Variants in EPHB1 observed in about 807,000 individuals in gnomAD.
EPHB1 encodes the protein ephrin type-B receptor 1.
In EPHB1, 30 loss-of-function variants were observed where a neutral mutation model predicts 94.4. The ratio of observed to expected loss-of-function variants is 0.32; its 90% confidence interval spans 0.24 to 0.43. The LOEUF (loss-of-function observed/expected upper bound fraction) is 0.43. EPHB1 is among the 20% of genes least tolerant of loss of function. The probability of loss-of-function intolerance (pLI) is 1.00; values close to 1 mark genes in which losing one functional copy is unlikely to be tolerated. For synonymous variants in EPHB1, 522 were observed against 489.1 expected (o/e 1.07, Z -0.89); for missense variants, 1,055 against 1,308.3 (o/e 0.81, Z 2.99).
chr3:135,228,431 G>T (rs1943452128), intron 12 of EPHB1, among the ~76,000 whole-genome samples: 1 of 151,850 alleles, frequency 6.6e-6, no homozygotes, highest in Admixed American at 6.6e-5. Flanking sequence ...TTTAAATTTT[G>T]GTAGCTGTTT....
rs375479932 is a variant in EPHB1, at chr3:135,191,181, C to A, written c.1883-1395C>A. The stretch of plus-strand genomic sequence containing the variant: ...GATGGAAGGAAGGAAAAAGAACAGC[C>A]CCCCCAAAACACATAGTGTTGTAAA... On this transcript the variant is annotated intron_variant, in intron 10 of 15. Transcript: ENST00000398015. 2.0e-5 allele frequency among the ~76,000 whole-genome samples: 3 copies of A among 151,892 alleles called. No individual in the cohort carries two copies. In the East Asian group the frequency reaches 5.8e-4, roughly 29 times the overall value.
chr3:134,999,930 G>T (rs940670965), intron 3 of EPHB1, among the ~76,000 whole-genome samples: 1 of 152,204 alleles, frequency 6.6e-6, no homozygotes, highest in African/African-American at 2.4e-5. Flanking sequence ...GCAGGGTATT[G>T]CTCCATACTT....
At chr3:135,255,582 T>G (rs1285686696) in intron 15 of EPHB1, among the ~76,000 whole-genome samples, 2 of 148,196 alleles carry the variant, frequency 1.3e-5, no homozygotes, top group Non-Finnish European at 3.0e-5. Flanking sequence ...GTCTGAGAGA[T>G]AGTTTGTTAT....
intron 8 of EPHB1, among the ~76,000 whole-genome samples, chr3:135,166,614 C>G (rs910076341): frequency 2.0e-5 from 3 of 152,238 alleles, no homozygotes; most frequent in Admixed American, 6.5e-5. Context: ...GGCTCCCTCC[C>G]AAGCAGTTCT....
chr3:135,054,061 AC>A lies in EPHB1; in HGVS notation c.806-52386del, dbSNP rs1559811653. 1.5e-3 allele frequency among the ~76,000 whole-genome samples: 226 copies of A among 151,904 alleles called. 1 individual carries two copies. The highest frequency in any genetic ancestry group is 5.2e-3 in the African/African-American group (217 of 41,356). On this transcript the variant is annotated intron_variant, in intron 3 of 15. Transcript: ENST00000398015. ...TATATACACACACACACACACACAC[AC>A]ACACACACATAGCATTATTTATATG...
rs1043538879 is a variant in EPHB1 at position 134,921,260 on chromosome 3, C to T, written c.59-4556C>T. 6.6e-5 allele frequency among the ~76,000 whole-genome samples: 10 copies of T among 152,252 alleles called. No individual in the cohort carries two copies. The East Asian group carries it at 1.4e-3, about 21-fold the overall frequency. On this transcript the variant is annotated intron_variant, in intron 1 of 15. Transcript: ENST00000398015. ...CTGTTGCTTTTAGGAGTCACTCTCC[C>T]GTCTCTGTCCCAAGAGGCAGGGGGA...
At chr3:135,109,045 G>A (rs980645498) in intron 4 of EPHB1, among the ~76,000 whole-genome samples, 6 of 152,180 alleles carry the variant, frequency 3.9e-5, no homozygotes, top group Non-Finnish European at 8.8e-5. Flanking sequence ...GAGGGGTTGC[G>A]AAGGTTATGG....
At chr3:134,855,073 G>A (rs1171409888) in intron 1 of EPHB1, among the ~76,000 whole-genome samples, 1 of 152,048 alleles carries the variant, frequency 6.6e-6, no homozygotes, top group Non-Finnish European at 1.5e-5. Context: ...TCAGAAATTT[G>A]ACCTTATTAT....
chr3:135,214,141 C>G (rs555355585), intron 12 of EPHB1, among the ~76,000 whole-genome samples: 1 of 152,314 alleles, frequency 6.6e-6, no homozygotes, highest in African/African-American at 2.4e-5. Context: ...AGCTGATGTT[C>G]TCTGCCCTGC....
At chr3:135,109,488 C>T (rs1939354037) in intron 4 of EPHB1, among the ~76,000 whole-genome samples, 1 of 152,220 alleles carries the variant, frequency 6.6e-6, no homozygotes, top group Admixed American at 6.5e-5. Flanking sequence ...GATGTTAGAA[C>T]TTGCTTTGGT....
intron 9 of EPHB1, among the ~76,000 whole-genome samples, chr3:135,178,631 A>G (rs900085045): frequency 6.6e-6 from 1 of 152,122 alleles, no homozygotes; most frequent in Admixed American, 6.6e-5. Flanking sequence ...TGTCAAAACT[A>G]GAGCTGGGGG....
chr3:135,102,497 G>A (rs986600769), intron 3 of EPHB1, among the ~76,000 whole-genome samples: 1 of 152,102 alleles, frequency 6.6e-6, no homozygotes, highest in African/African-American at 2.4e-5. Flanking sequence ...TTTTGTTTCT[G>A]ATTAATGGCA....
chr3:135,006,760 C>T (rs1935431289), intron 3 of EPHB1, among the ~76,000 whole-genome samples: 1 of 151,922 alleles, frequency 6.6e-6, no homozygotes, highest in Admixed American at 6.6e-5. Flanking sequence ...GGTACATTCC[C>T]AGAAATGGGG....
intron 3 of EPHB1, 123 bp downstream of exon 3, chr3:134,952,175 T>G (rs967708696): frequency 1.9e-6 from 2 of 1,034,074 alleles, no homozygotes; most frequent in African/African-American, 3.2e-5. Context: ...TATAAAGCTC[T>G]GAGGACTCCC....
intron 4 of EPHB1, among the ~76,000 whole-genome samples, chr3:135,111,985 A>T (rs949748288): frequency 6.6e-6 from 1 of 152,010 alleles, no homozygotes; most frequent in Non-Finnish European, 1.5e-5. Context: ...GCCCATTTTC[A>T]CTCTTGAGTG....
intron 3 of EPHB1, among the ~76,000 whole-genome samples, chr3:135,014,667 G>A (rs989081493): frequency 6.6e-6 from 1 of 152,172 alleles, no homozygotes; most frequent in African/African-American, 2.4e-5. Flanking sequence ...ACACATGCCT[G>A]CCCAGCGTCC....
chr3:135,148,784 C>G (rs913858590), intron 5 of EPHB1, among the ~76,000 whole-genome samples: 1 of 152,196 alleles, frequency 6.6e-6, no homozygotes, highest in Non-Finnish European at 1.5e-5. Context: ...GTGGCAAAAA[C>G]AGAGACAAAG....
At chr3:134,822,620 C>T (rs574775194) in intron 1 of EPHB1, among the ~76,000 whole-genome samples, 9 of 152,304 alleles carry the variant, frequency 5.9e-5, no homozygotes, top group African/African-American at 1.9e-4. Flanking sequence ...ACTCCAAGCC[C>T]TCCCTGGAGA....
rs189685720 is a variant in EPHB1 at position 134,838,077 on chromosome 3, A to G, written c.58+42388A>G. Among the ~76,000 whole-genome samples the G allele has an allele frequency of 3.0e-3, 452 of 152,270 alleles. 1 individual carries two copies. Among genetic ancestry groups the G allele is most frequent in the Non-Finnish European group, 4.8e-3 (328 of 68,016 alleles). ...ATTATGTGGGAGGCTGTAGGGAATCATGGGTCTTGGGCCATGCCCAAGCCC... is the reference window on the plus strand; with the variant it reads ...ATTATGTGGGAGGCTGTAGGGAATCGTGGGTCTTGGGCCATGCCCAAGCCC... On this transcript the variant is annotated intron_variant, in intron 1 of 15. Coordinates refer to ENST00000398015, the MANE Select transcript of EPHB1 (RefSeq NM_004441.5).
Sources: gnomAD v4.1 joint callset for allele counts (sites outside exome capture counted in the v4.1 genomes callset) on GRCh38, gnomAD v4.1.1 for gene constraint, MANE v1.5 for transcripts, NCBI Gene and HGNC (gene_info 2026-07-23, HGNC 2026-07-21) for gene names.